MFF: variants seen among roughly 807,000 people sequenced by gnomAD.
MFF encodes mitochondrial fission factor.
MFF carries 12 observed loss-of-function variants against 36.9 expected under a neutral mutation model. The observed-to-expected ratio is 0.33, with a 90% CI of 0.21 to 0.53. MFF has a LOEUF of 0.53. Among genes scored for constraint, MFF ranks in the 20% least tolerant of loss-of-function variants. MFF has a pLI of 0.95. For synonymous variants in MFF, 99 were observed against 126.2 expected (o/e 0.78, Z 1.44); for missense variants, 348 against 366.6 (o/e 0.95, Z 0.42).
chr2:227,347,458 C>T (rs1165157391), intron 6 of MFF, 74 bp downstream of exon 6: 3 of 1,260,408 alleles, frequency 2.4e-6, no homozygotes, highest in East Asian at 4.7e-5. Flanking sequence ...ACTGTGGTGT[C>T]TTTCTTTTCT....
intron 5 of MFF, 170 bp from the exon 6 acceptor site, chr2:227,347,056 T>C: frequency 1.8e-6 from 1 of 562,702 alleles, no homozygotes; most frequent in Non-Finnish European, 3.1e-6. Context: ...TAGCTAGTTT[T>C]TGGAAACAAT....
At chr2:227,338,770 C>T (rs1486176684) in intron 4 of MFF, among the ~76,000 whole-genome samples, 1 of 150,910 alleles carries the variant, frequency 6.6e-6, no homozygotes, top group African/African-American at 2.4e-5. Context: ...GCAGAGTTTG[C>T]AGTGAGTCAA....
intron 6 of MFF, 198 bp from the exon 7 acceptor site, chr2:227,352,316 A>T: frequency 1.9e-6 from 1 of 521,306 alleles, no homozygotes; most frequent in South Asian, 2.9e-5. Flanking sequence ...ATCAATAGTA[A>T]TGTTGAGTTT....
At chr2:227,350,747 C>T (rs901528550) in intron 6 of MFF, among the ~76,000 whole-genome samples, 3 of 152,062 alleles carry the variant, frequency 2.0e-5, no homozygotes, top group African/African-American at 4.8e-5. Context: ...AATGTCAGTA[C>T]GCAAGTTAAT....
Position 227,342,906 on chromosome 2 carries a change from G to C in MFF, c.440+2526G>C. On this transcript the variant is annotated intron_variant, in intron 5 of 8. Coordinates refer to ENST00000304593, the MANE Select transcript of MFF (RefSeq NM_001277062.2). ...ATACTAATCTATTCACCAGGTAATTGACGTATGCTATCCTAATTATCTTCC... is the reference window on the plus strand; with the variant it reads ...ATACTAATCTATTCACCAGGTAATTCACGTATGCTATCCTAATTATCTTCC... The C allele has an allele frequency of 1.7e-6, 2 of 1,158,060 alleles. 1 individual carries two copies. The highest frequency in any genetic ancestry group is 2.5e-6 in the Non-Finnish European group (2 of 792,182). The allele number at this position is 1,158,060 out of a possible 1,614,324, so 71.7% of individuals were successfully genotyped here. A position where few individuals can be genotyped will look rare whatever the true frequency, so the allele number is the denominator to read the frequency against.
intron 4 of MFF, among the ~76,000 whole-genome samples, chr2:227,335,023 G>A (rs1309360838): frequency 6.6e-6 from 1 of 151,962 alleles, no homozygotes; most frequent in Admixed American, 6.6e-5. Flanking sequence ...ACAAAAATTA[G>A]CTGGGCATGG....
rs1217791195 is a variant in MFF, at chr2:227,336,627, A to T, written c.352-3665A>T. On this transcript the variant is annotated intron_variant, in intron 4 of 8. Transcript: ENST00000304593. ...AATGGCATCCTCCACAGGATGCCAA[A>T]TTCTACAGCAGTTATATCCAAAGTG... Among the ~76,000 whole-genome samples, 3 of 152,250 alleles carry T rather than the reference A, an allele frequency of 2.0e-5. No individual in the cohort carries two copies. In the East Asian group the frequency reaches 5.8e-4, roughly 29 times the overall value.
At chr2:227,331,689 TTGAG>T (rs2074579427) in intron 3 of MFF, among the ~76,000 whole-genome samples, 1 of 152,242 alleles carries the variant, frequency 6.6e-6, no homozygotes, top group Admixed American at 6.5e-5. Context: ...TTTTAGCTGT[TTGAG>T]TGGGCGTGTA....
chr2:227,336,184 T>TGTGA (rs1250493700), intron 4 of MFF, among the ~76,000 whole-genome samples: 1 of 152,176 alleles, frequency 6.6e-6, no homozygotes, highest in African/African-American at 2.4e-5. Context: ...CCTTGAACAG[T>TGTGA]GTGACTAAGT....
At chr2:227,331,216 TCTC>T (rs1289843722) in intron 3 of MFF, among the ~76,000 whole-genome samples, 1 of 152,170 alleles carries the variant, frequency 6.6e-6, no homozygotes, top group Non-Finnish European at 1.5e-5. Flanking sequence ...GCAACCATGA[TCTC>T]CTTTCTATAG....
At chr2:227,350,782 AT>A (rs776113064) in intron 6 of MFF, among the ~76,000 whole-genome samples, 1 of 152,272 alleles carries the variant, frequency 6.6e-6, no homozygotes, top group South Asian at 2.1e-4. Context: ...GTAGCCTTGG[AT>A]TTCTTTCCCT....
chr2:227,336,444 A>G (rs1426830867), intron 4 of MFF, among the ~76,000 whole-genome samples: 1 of 152,238 alleles, frequency 6.6e-6, no homozygotes, highest in African/African-American at 2.4e-5. Flanking sequence ...CCAGATATAC[A>G]CAAGAATCGT....
At chr2:227,347,873 T>A (rs190942832) in intron 6 of MFF, among the ~76,000 whole-genome samples, 1 of 152,250 alleles carries the variant, frequency 6.6e-6, no homozygotes, top group Admixed American at 6.5e-5. Context: ...GTTTTGAAAA[T>A]TCCAGGTGCT....
chr2:227,349,560 T>C (rs1190786424), intron 6 of MFF, among the ~76,000 whole-genome samples: 1 of 152,074 alleles, frequency 6.6e-6, no homozygotes, highest in Non-Finnish European at 1.5e-5. Flanking sequence ...ACCTTGGAGC[T>C]TGGAGGGTTA....
chr2:227,355,596 T>C, intron 7 of MFF, 81 bp from the exon 8 acceptor site: 1 of 751,952 alleles, frequency 1.3e-6, no homozygotes. Context: ...ACTTTGAGCA[T>C]TACACAAAGC....
rs780736008 is a variant in MFF, at chr2:227,342,701, T to C, written c.440+2321T>C. The stretch of plus-strand genomic sequence containing the variant: ...AATCAGATCTAGCTTTTTCTTTGTG[T>C]TATAAAAGCTGAATATGTAAAAGAA... On this transcript the variant is annotated intron_variant, in intron 5 of 8. Coordinates refer to ENST00000304593, the MANE Select transcript of MFF (RefSeq NM_001277062.2). 3.3e-6 allele frequency: 5 copies of C among 1,492,898 alleles called. No individual in the cohort carries two copies. The Admixed American group carries it at 8.7e-5, about 26-fold the overall frequency. 92.5% of individuals were successfully genotyped at this position (1,492,898 alleles called of 1,614,324 possible).
intron 5 of MFF, among the ~76,000 whole-genome samples, chr2:227,340,808 T>A (rs558025531): frequency 6.6e-6 from 1 of 152,210 alleles, no homozygotes; most frequent in South Asian, 2.1e-4. Context: ...TAAACCTTTC[T>A]TTTTCATTTG....
At chr2:227,352,657 G>T (rs2076060585) in intron 7 of MFF, 84 bp downstream of exon 7, 2 of 1,097,502 alleles carry the variant, frequency 1.8e-6, no homozygotes, top group South Asian at 2.7e-5. Flanking sequence ...TCGTAGCCAT[G>T]CCTGTGTTTG....
intron 1 of MFF, among the ~76,000 whole-genome samples, chr2:227,326,493 GTA>G (rs1196340433): frequency 1.3e-5 from 2 of 152,098 alleles, no homozygotes; most frequent in Non-Finnish European, 2.9e-5. Flanking sequence ...TCAAAGGCTT[GTA>G]TATTGGTTTT....
Sources: allele counts gnomAD v4.1 joint callset (sites outside exome capture counted in the v4.1 genomes callset), GRCh38; gene constraint gnomAD v4.1.1; transcripts MANE v1.5; gene names NCBI Gene and HGNC (gene_info 2026-07-23, HGNC 2026-07-21).